STS: variants seen among roughly 807,000 people sequenced by gnomAD.
The protein encoded by STS is steroid sulfatase.
In STS, 7 loss-of-function variants were observed where a neutral mutation model predicts 26.8. The ratio of observed to expected loss-of-function variants is 0.26; its 90% CI spans 0.15 to 0.49. STS has a LOEUF of 0.49. Ranked by LOEUF, STS falls within the 20% of genes least tolerant of loss-of-function variation. STS has a pLI of 0.98. For missense variants in STS, 434 were observed against 465.6 expected (o/e 0.93, Z 0.63); for synonymous variants, 199 against 189.4 (o/e 1.05, Z -0.42).
chrX:7,304,231 A>G (rs969521333), intron 7 of STS, among the ~76,000 whole-genome samples: 3 of 112,215 alleles, frequency 2.7e-5, no homozygotes, highest in Non-Finnish European at 5.6e-5. Context: ...TGCTCTACCC[A>G]TAAAATGAAG....
chrX:7,261,397 T>A (rs1418703270), intron 6 of STS, among the ~76,000 whole-genome samples: 1 of 112,363 alleles, frequency 8.9e-6, no homozygotes, highest in Non-Finnish European at 1.9e-5. Context: ...GAAGGGAAAC[T>A]ATATTAGGGA....
chrX:7,302,651 C>G (rs1360648618), intron 7 of STS, among the ~76,000 whole-genome samples: 1 of 111,664 alleles, frequency 9.0e-6, no homozygotes, highest in Non-Finnish European at 1.9e-5. Context: ...ATATGCCTTG[C>G]CACAAATGAC....
At chrX:7,265,405 C>A (rs781155666) in intron 6 of STS, among the ~76,000 whole-genome samples, 1 of 111,669 alleles carries the variant, frequency 9.0e-6, no homozygotes, top group South Asian at 3.8e-4. Flanking sequence ...ATTATTTAAT[C>A]TATTAGGTAT....
chrX:7,198,181 C>T (rs1344943904), intron 2 of STS, among the ~76,000 whole-genome samples: 1 of 111,250 alleles, frequency 9.0e-6, no homozygotes, highest in African/African-American at 3.3e-5. Flanking sequence ...TTACCCAAAT[C>T]ACGCTCTCTG....
chrX:7,270,504 A>G (rs1409011582), intron 6 of STS, among the ~76,000 whole-genome samples: 3 of 111,790 alleles, frequency 2.7e-5, no homozygotes, highest in African/African-American at 6.5e-5. Flanking sequence ...TCTGTTCCTG[A>G]ATGGTAAATC....
In STS at chrX:7,148,047, A is replaced by G; in HGVS notation, c.-170A>G. The G allele has an allele frequency of 2.7e-6, 3 of 1,129,659 alleles. No homozygotes were observed. The South Asian group carries it at 6.0e-5, about 22-fold the overall frequency. The allele number at this position is 1,129,659 out of a possible 1,213,427, so 93.1% of individuals were successfully genotyped here. ...TTACTGGAGGCGGCGGCTGCACACT[A>G]CCCACCCAGAAGAAGTCCGTCCATG... is the stretch of plus-strand genomic sequence containing the variant. On this transcript the variant is annotated 5_prime_UTR_variant, in exon 1 of 11. Transcript: ENST00000674429.
chrX:7,224,526 A>G (rs1921717697), intron 2 of STS, among the ~76,000 whole-genome samples: 1 of 111,348 alleles, frequency 9.0e-6, no homozygotes, highest in Non-Finnish European at 1.9e-5. Flanking sequence ...TGGGATTAGT[A>G]CCCATATAAA....
intron 2 of STS, among the ~76,000 whole-genome samples, chrX:7,217,149 A>AT (rs1921342636): frequency 9.0e-6 from 1 of 111,496 alleles, no homozygotes. Flanking sequence ...GGATTCTAGC[A>AT]TAAGGCCAAC....
chrX:7,206,969 G>A (rs1458757212), intron 2 of STS, among the ~76,000 whole-genome samples: 1 of 112,084 alleles, frequency 8.9e-6, no homozygotes, highest in South Asian at 3.7e-4. Flanking sequence ...CAGCACTTTG[G>A]GAGGCCAAGG....
chrX:7,324,233 T>G (rs1201537221), intron 8 of STS, among the ~76,000 whole-genome samples: 1 of 110,620 alleles, frequency 9.0e-6, no homozygotes, highest in Admixed American at 9.7e-5. Context: ...GGCAGTTGGT[T>G]GAAAGAGTTG....
chrX:7,263,239 T>C (rs1456366243), intron 6 of STS, among the ~76,000 whole-genome samples: 1 of 111,530 alleles, frequency 9.0e-6, no homozygotes. Context: ...CAGCTAATTT[T>C]TGTATTTTTA....
chrX:7,294,564 A>C (rs947930903), intron 7 of STS, among the ~76,000 whole-genome samples: 1 of 112,106 alleles, frequency 8.9e-6, no homozygotes, highest in Non-Finnish European at 1.9e-5. Context: ...CATTTAGTCT[A>C]TTTTAGTCAC....
intron 2 of STS, 77 bp from the exon 3 acceptor site, chrX:7,253,119 C>A: frequency 8.7e-7 from 1 of 1,146,425 alleles, no homozygotes; most frequent in East Asian, 3.0e-5. Flanking sequence ...CCACCTCACC[C>A]CAGCCTGGGC....
At chrX:7,252,335 A>T (rs1462277417) in intron 2 of STS, 2 of 738,767 alleles carry the variant, frequency 2.7e-6, no homozygotes, top group Non-Finnish European at 3.2e-6. Context: ...AAGGACATCG[A>T]TATTGAGTAA....
rs753564630 is a variant in STS at position 7,325,466 on chromosome X, C to A, written c.1209C>A (p.Ala403=). The A allele has an allele frequency of 1.7e-6, 2 of 1,211,247 alleles. No homozygotes were observed. Reference sequence around the variant, plus strand: ...ACATGGACATATTTCCTACAGTAGCCAAGCTGGCTGGAGCTCCCTTGCCTG... The same window carrying A: ...ACATGGACATATTTCCTACAGTAGCAAAGCTGGCTGGAGCTCCCTTGCCTG... The part of the protein sequence containing the change: ...TSNMDIFPTV[A]KLAGAPLPED... The change falls in exon 9 of 11, where the codon GCC becomes GCA. Residue 403 remains alanine (A), a synonymous_variant. Transcript: ENST00000674429.
In STS at chrX:7,244,316, T is replaced by C. The variant is rs139798367; in HGVS notation, c.-4-8880T>C. Among the ~76,000 whole-genome samples, 655 of 112,241 alleles carry C rather than the reference T, an allele frequency of 5.8e-3. 3 individuals are homozygous for C. The highest frequency in any genetic ancestry group is 0.02 in the African/African-American group (622 of 30,900). On this transcript the variant is annotated intron_variant, in intron 2 of 10. Transcript: ENST00000674429. Reference sequence around the variant, plus strand: ...GAGCCTTTTTGGAGATGGTTGCCTATGTGCATTAGAATTTAAGAGCTTCCA... The same window carrying C: ...GAGCCTTTTTGGAGATGGTTGCCTACGTGCATTAGAATTTAAGAGCTTCCA...
At chrX:7,292,966 G>T (rs1211666023) in intron 7 of STS, among the ~76,000 whole-genome samples, 1 of 111,492 alleles carries the variant, frequency 9.0e-6, no homozygotes, top group Non-Finnish European at 1.9e-5. Context: ...GCATGGTACT[G>T]GTACCACACT....
intron 6 of STS, among the ~76,000 whole-genome samples, chrX:7,263,755 G>A (rs768459546): frequency 1.6e-4 from 18 of 111,139 alleles, no homozygotes; most frequent in South Asian, 3.8e-4. Flanking sequence ...GTGTTGTGTT[G>A]CGTTTGTGTG....
At chrX:7,294,412 A>G (rs1163607477) in intron 7 of STS, among the ~76,000 whole-genome samples, 1 of 111,289 alleles carries the variant, frequency 9.0e-6, no homozygotes, top group Non-Finnish European at 1.9e-5. Flanking sequence ...AATGACCATT[A>G]AAAGACCATT....
Sources: allele counts gnomAD v4.1 joint callset (sites outside exome capture counted in the v4.1 genomes callset), GRCh38; gene constraint gnomAD v4.1.1; transcripts MANE v1.5; gene names NCBI Gene and HGNC (gene_info 2026-07-23, HGNC 2026-07-21).